FCSK: variants seen among roughly 807,000 people sequenced by gnomAD.
FCSK encodes fucose kinase.
FCSK carries 123 observed loss-of-function variants against 122.5 expected under a neutral mutation model. That is an observed-to-expected ratio of 1.00 (90% confidence interval 0.87 to 1.17). The LOEUF is 1.17. Ranked by LOEUF, FCSK falls within the 50% of genes most tolerant of loss-of-function variation. The pLI is 0.00. For synonymous variants in FCSK, 620 were observed against 625.5 expected, an observed-to-expected ratio of 0.99 and a Z score of 0.13; for missense variants, 1,366 against 1,450.4, an observed-to-expected ratio of 0.94 and a Z score of 0.95.
At chr16:70,478,115 T>A (rs1052898399) in intron 20 of FCSK, 157 bp from the exon 21 acceptor site, 1 of 673,302 alleles carries the variant, frequency 1.5e-6, no homozygotes, top group African/African-American at 1.8e-5. Flanking sequence ...CTGGGATTGT[T>A]CTGGGGACAG....
At chr16:70,455,516 A>G (rs1056655903) in intron 1 of FCSK, among the ~76,000 whole-genome samples, 28 of 151,258 alleles carry the variant, frequency 1.9e-4, no homozygotes, top group African/African-American at 6.1e-4. Context: ...AACAACAACA[A>G]CAACAAAAGA....
chr16:70,460,577 G>A (rs7188808), intron 1 of FCSK, among the ~76,000 whole-genome samples: 18,107 of 151,740 alleles, frequency 0.12, 3,558 homozygotes, highest in African/African-American at 0.41. Flanking sequence ...GCTAATTTTT[G>A]TATTTTTATT....
At chr16:70,466,328 T>C in intron 5 of FCSK, 71 bp downstream of exon 5, 1 of 1,580,672 alleles carries the variant, frequency 6.3e-7, no homozygotes, top group Non-Finnish European at 8.7e-7. Flanking sequence ...TTCCCCCAGG[T>C]ATGATCTATG....
chr16:70,471,050 TC>T lies in FCSK; in HGVS notation c.1150del (p.Leu384CysfsTer12). 6.2e-7 allele frequency: 1 copy of T among 1,602,606 alleles called. No individual in the cohort carries two copies. ...EGPVQLGPGS[V>X]LQHCHLQGPI... ...CCTGTCCAGCTGGGTCCTGGGAGCG[TC>T]CTGCAGCACTGCCACCTGCAGGTGA... On this transcript the variant is annotated frameshift_variant, in exon 12 of 24. Coordinates refer to ENST00000288078, the MANE Select transcript of FCSK (RefSeq NM_145059.3). LOFTEE classifies it high-confidence loss of function.
rs2048923705 is a variant in FCSK, at chr16:70,479,309, G to T, written c.3059G>T (p.Ser1020Ile). 1 of 1,613,972 alleles carries T rather than the reference G, an allele frequency of 6.2e-7. No homozygotes were observed. Among genetic ancestry groups the T allele is most frequent in the African/African-American group, 1.3e-5 (1 of 74,948 alleles). ...CTGGCCCCCCACGTGCATGGCCAGA[G>T]CCTGGCTGGGGCAGGCGGTGGAGGC... ...DVLAPHVHGQ[S>I]LAGAGGGGFL... The change falls in exon 23 of 24, where the codon AGC (serine) becomes ATC (isoleucine). Residue 1020 changes from serine (S) to isoleucine (I), a missense_variant. Transcript: ENST00000288078.
In FCSK at chr16:70,474,969, T is replaced by G; in HGVS notation, c.2335T>G (p.Cys779Gly). 3 of 1,610,498 alleles carry G rather than the reference T, an allele frequency of 1.9e-6. No homozygotes were observed. The change falls in exon 18 of 24, where the codon TGC (cysteine) becomes GGC (glycine). Residue 779 changes from cysteine (C) to glycine (G), a missense_variant. Physicochemically the swap from Cys to Gly is radical, Grantham distance 159. Transcript: ENST00000288078. Reference protein sequence around the residue: ...DEMTVKIVCRCLADLRDYCQP... With the variant: ...DEMTVKIVCRGLADLRDYCQP... Reference sequence around the variant, plus strand: ...GATGACTGTGAAGATAGTGTGCCGGTGCCTGGCTGACCTGCGGGACTACTG... The same window carrying G: ...GATGACTGTGAAGATAGTGTGCCGGGGCCTGGCTGACCTGCGGGACTACTG...
chr16:70,473,809 A>G lies in FCSK; in HGVS notation c.1778-320A>G, dbSNP rs1289786656. On this transcript the variant is annotated intron_variant, in intron 15 of 23. Transcript: ENST00000288078. This position sits in a 1 kb window ranked among gnomAD's most constrained non-coding sequence, Gnocchi z 4.9. ...CGTGGACATGAATGGTATTGAAGCC[A>G]CTCACCCAGAGCCACACGGCTAGCT... Among the ~76,000 whole-genome samples the G allele has an allele frequency of 1.3e-5, 2 of 152,124 alleles. No individual in the cohort carries two copies. The highest frequency in any genetic ancestry group is 3.9e-4 in the East Asian group (2 of 5,182).
In FCSK at chr16:70,475,767, G is replaced by T; in HGVS notation, c.2641G>T (p.Gly881Ter). 1 of 1,570,874 alleles carries T rather than the reference G, an allele frequency of 6.4e-7. No individual in the cohort carries two copies. The highest frequency in any genetic ancestry group is 8.7e-7 in the Non-Finnish European group (1 of 1,156,016). The change falls in exon 20 of 24, where the codon GGA (glycine) becomes TGA (stop). Residue 881 changes from glycine to a stop codon, truncating the protein, a stop_gained and splice_region_variant. Transcript: ENST00000288078. LOFTEE classifies it high-confidence loss of function. ...GCACCTGGAGCAGGTGCTCACCACT[G>T]GTATGTGACTGCCCTGGAGTTGGAG... ...VLHLEQVLTT[G>*]GGWQDQVGGL... is the part of the protein sequence containing the mutation.
rs538268173 is a variant in FCSK at position 70,473,312 on chromosome 16, G to T, written c.1736G>T (p.Arg579Leu). Residue 579 changes from arginine to leucine, a missense_variant, in exon 15 of 24, where the codon CGC (arginine) becomes CTC (leucine). Arg to Leu is a moderately radical substitution (Grantham distance 102, BLOSUM62 -2). Transcript: ENST00000288078. This position sits in a 1 kb window ranked among gnomAD's most constrained non-coding sequence, Gnocchi z 4.9. Reference sequence around the variant, plus strand: ...CGCCCGCTGATCTGGGCTGCTGTCCGCGAGGGCTGCCCCGGGCCCCTGCTG... The same window carrying T: ...CGCCCGCTGATCTGGGCTGCTGTCCTCGAGGGCTGCCCCGGGCCCCTGCTG... ...SLRPLIWAAV[R>L]EGCPGPLLAT... 59 of 1,519,594 alleles carry T rather than the reference G, an allele frequency of 3.9e-5. No individual in the cohort carries two copies. The South Asian group carries it at 5.1e-4, about 13-fold the overall frequency. The allele number at this position is 1,519,594 out of a possible 1,614,324, so 94.1% of individuals were successfully genotyped here.
chr16:70,466,391 A>C, intron 5 of FCSK, 134 bp downstream of exon 5: 1 of 1,119,236 alleles, frequency 8.9e-7, no homozygotes, highest in Non-Finnish European at 1.3e-6. Flanking sequence ...GTTAGTTAAG[A>C]GCTTCAAGAA....
chr16:70,465,245 T>G, intron 4 of FCSK, 69 bp downstream of exon 4: 1 of 1,429,584 alleles, frequency 7.0e-7, no homozygotes, highest in Non-Finnish European at 9.6e-7. Context: ...GAGCAGGACT[T>G]CAGGGGTGTT....
chr16:70,460,969 T>A (rs992657261), intron 1 of FCSK, among the ~76,000 whole-genome samples: 3 of 152,206 alleles, frequency 2.0e-5, no homozygotes, highest in Non-Finnish European at 4.4e-5. Context: ...TTGGTGGGCA[T>A]CCTGGGAGGA....
At position 70,454,645 on chromosome 16, in the gene FCSK, G is replaced by C. The variant is rs564010822; in HGVS notation, c.-23+15G>C. 7 of 146,912 alleles carry C rather than the reference G, an allele frequency of 4.8e-5. No individual in the cohort carries two copies. The highest frequency in any genetic ancestry group is 1.0e-4 in the Non-Finnish European group (7 of 67,684). The allele number at this position is 146,912 out of a possible 1,614,324, so 9.1% of individuals were successfully genotyped here. On this transcript the variant is annotated intron_variant, in intron 1 of 23. Transcript: ENST00000288078. Reference sequence around the variant, plus strand: ...GGCGACGGCAGGTACGTCAGTCCGCGAGGGTCGCCGCAGCGCCCCTTGCGC... The same window carrying C: ...GGCGACGGCAGGTACGTCAGTCCGCCAGGGTCGCCGCAGCGCCCCTTGCGC...
At chr16:70,468,179 T>TA (rs573018555) in intron 8 of FCSK, among the ~76,000 whole-genome samples, 60 of 152,254 alleles carry the variant, frequency 3.9e-4, no homozygotes, top group African/African-American at 1.3e-3. Flanking sequence ...CCCAGCACTT[T>TA]AGGAGGCTGA....
At chr16:70,468,132 C>A (rs2048483649) in intron 8 of FCSK, among the ~76,000 whole-genome samples, 166 bp downstream of exon 8, 1 of 152,148 alleles carries the variant, frequency 6.6e-6, no homozygotes, top group African/African-American at 2.4e-5. Context: ...GCCAGAAAGC[C>A]TAGAACCAGG....
intron 20 of FCSK, chr16:70,477,996 T>G (rs1168374643): frequency 6.7e-6 from 3 of 446,816 alleles, no homozygotes; most frequent in Non-Finnish European, 1.2e-5. Context: ...GTGTAAAATC[T>G]TTATTCTTCA....
intron 10 of FCSK, among the ~76,000 whole-genome samples, chr16:70,470,091 C>T (rs889478768): frequency 2.6e-5 from 4 of 152,182 alleles, no homozygotes; most frequent in African/African-American, 9.7e-5. Flanking sequence ...GATCTGCCTG[C>T]CTCGGCCTCC....
chr16:70,472,021 A>G (rs1405500631), intron 13 of FCSK, among the ~76,000 whole-genome samples: 2 of 151,930 alleles, frequency 1.3e-5, no homozygotes, highest in Non-Finnish European at 2.9e-5. Flanking sequence ...GTTAGCCAGG[A>G]TGGTCTCAAT....
chr16:70,463,347 C>T (rs1292467502), intron 2 of FCSK, 75 bp downstream of exon 2: 1 of 1,319,150 alleles, frequency 7.6e-7, no homozygotes, highest in Non-Finnish European at 1.1e-6. Flanking sequence ...CCTCCAACAC[C>T]AGGTGCCAGG....
Sources: gnomAD v4.1 joint callset for allele counts (sites outside exome capture counted in the v4.1 genomes callset) on GRCh38, gnomAD v4.1.1 for gene constraint, Gnocchi (gnomAD v3.1) non-coding constraint, MANE v1.5 for transcripts, NCBI Gene and HGNC (gene_info 2026-07-23, HGNC 2026-07-21) for gene names.